The following PIWIL4 variants were observed in gnomAD, a reference collection of about 807,000 sequenced individuals.
The protein encoded by PIWIL4 is piwi like RNA-mediated gene silencing 4.
A neutral mutation model predicts 100.9 loss-of-function variants in PIWIL4; 50 were observed. That is an observed-to-expected ratio of 0.50 (90% confidence interval 0.39 to 0.63). The LOEUF is 0.63. Ranked by LOEUF, PIWIL4 falls within the 20% of genes least tolerant of loss-of-function variation. The pLI is 0.00. For synonymous variants in PIWIL4, 342 were observed against 367.5 expected, an observed-to-expected ratio of 0.93 and a Z score of 0.79; for missense variants, 887 against 1,043.3, an observed-to-expected ratio of 0.85 and a Z score of 2.06.
At chr11:94,602,039 A>G in intron 12 of PIWIL4, 60 bp downstream of exon 12, 2 of 1,467,006 alleles carry the variant, frequency 1.4e-6, no homozygotes. Flanking sequence ...GGTAGGGAAT[A>G]ATGGCAGATG....
chr11:94,620,252 T>G, intron 19 of PIWIL4, 108 bp downstream of exon 19: 1 of 1,208,612 alleles, frequency 8.3e-7, no homozygotes, highest in Non-Finnish European at 1.1e-6. Flanking sequence ...ATACCTGATA[T>G]TTCCTAAAGA....
intron 11 of PIWIL4, among the ~76,000 whole-genome samples, chr11:94,599,336 G>A (rs1160809650): frequency 2.6e-5 from 4 of 152,142 alleles, no homozygotes; most frequent in Admixed American, 6.5e-5. Flanking sequence ...TAAAACAGGA[G>A]AACTCATGCA....
chr11:94,589,377 C>T lies in PIWIL4; in HGVS notation c.1026+145C>T, dbSNP rs575397495. The T allele has an allele frequency of 7.7e-6, 5 of 646,356 alleles. No homozygotes were observed. In the South Asian group the frequency reaches 9.7e-5, roughly 13 times the overall value. The allele number at this position is 646,356 out of a possible 1,614,324, so 40.0% of individuals were successfully genotyped here. ...GACTTGTCTCTCTCCTTCATCCCCA[C>T]CCTCCCAGTCTCCTGTTGACCCTCA... On this transcript the variant is annotated intron_variant, in intron 8 of 19. Coordinates refer to ENST00000299001, the MANE Select transcript of PIWIL4 (RefSeq NM_152431.3).
intron 8 of PIWIL4, among the ~76,000 whole-genome samples, chr11:94,590,440 C>G (rs1362585952): frequency 6.6e-6 from 1 of 152,180 alleles, no homozygotes; most frequent in Non-Finnish European, 1.5e-5. Context: ...CACAAAGGAA[C>G]CATTATTCAC....
At chr11:94,592,832 T>G (rs115225187) in intron 8 of PIWIL4, among the ~76,000 whole-genome samples, 1,752 of 152,238 alleles carry the variant, frequency 0.012, 28 homozygotes, top group African/African-American at 0.04. Flanking sequence ...GAATATGAAC[T>G]AACAGTTGCC....
At chr11:94,577,900 T>C (rs1948260217) in intron 4 of PIWIL4, among the ~76,000 whole-genome samples, 1 of 152,240 alleles carries the variant, frequency 6.6e-6, no homozygotes, top group African/African-American at 2.4e-5. Context: ...TTTTGCAAAC[T>C]TACCCTTGTT....
intron 17 of PIWIL4, 39 bp from the exon 18 acceptor site, chr11:94,619,721 G>T: frequency 6.3e-7 from 1 of 1,587,718 alleles, no homozygotes; most frequent in Non-Finnish European, 8.6e-7. Flanking sequence ...ATATAGATTG[G>T]ATTGAGTTCT....
intron 4 of PIWIL4, among the ~76,000 whole-genome samples, chr11:94,582,484 A>G (rs1028254239): frequency 2.0e-5 from 3 of 152,240 alleles, no homozygotes; most frequent in African/African-American, 7.2e-5. Context: ...AAGTGGTTAC[A>G]ACCATACTGT....
intron 17 of PIWIL4, among the ~76,000 whole-genome samples, chr11:94,618,373 C>T (rs1053506083): frequency 6.6e-6 from 1 of 152,148 alleles, no homozygotes; most frequent in Non-Finnish European, 1.5e-5. Flanking sequence ...GAGCAGCTGA[C>T]ACAGATTCAG....
chr11:94,586,956 G>A (rs1459604906), intron 6 of PIWIL4, 94 bp from the exon 7 acceptor site: 28 of 1,203,124 alleles, frequency 2.3e-5, no homozygotes, highest in South Asian at 7.4e-5. Context: ...TTAAGATCTC[G>A]AGAATTAGAA....
intron 15 of PIWIL4, 91 bp downstream of exon 15, chr11:94,608,777 T>C: frequency 9.1e-7 from 1 of 1,099,562 alleles, no homozygotes; most frequent in Non-Finnish European, 1.4e-6. Context: ...GAATATTTTG[T>C]ATTATTCACT....
intron 13 of PIWIL4, among the ~76,000 whole-genome samples, 154 bp downstream of exon 13, chr11:94,604,210 A>G (rs1452787195): frequency 6.6e-6 from 1 of 152,224 alleles, no homozygotes; most frequent in Non-Finnish European, 1.5e-5. Flanking sequence ...ATTTTAATCA[A>G]TATTTTATTT....
At chr11:94,589,303 C>A in intron 8 of PIWIL4, 71 bp downstream of exon 8, 1 of 1,320,054 alleles carries the variant, frequency 7.6e-7, no homozygotes, top group East Asian at 2.4e-5. Flanking sequence ...TTCCAAGTCT[C>A]AGAGGTCCCC....
intron 8 of PIWIL4, among the ~76,000 whole-genome samples, chr11:94,592,644 A>G (rs569529741): frequency 6.6e-6 from 1 of 152,308 alleles, no homozygotes; most frequent in East Asian, 1.9e-4. Context: ...GTGATTATTG[A>G]TCTCAGTGTC....
chr11:94,587,381 T>C, intron 7 of PIWIL4, 134 bp downstream of exon 7: 1 of 985,762 alleles, frequency 1.0e-6, no homozygotes, highest in Admixed American at 2.8e-5. Context: ...GAAGACCTGG[T>C]TGTTTTGCTG....
At chr11:94,594,662 A>C (rs1217003941) in intron 9 of PIWIL4, among the ~76,000 whole-genome samples, 2 of 151,856 alleles carry the variant, frequency 1.3e-5, no homozygotes, top group East Asian at 3.9e-4. Context: ...CCTCCCGAGT[A>C]GCTGGGATTA....
Position 94,576,424 on chromosome 11 carries a change from G to A in PIWIL4, c.299-854G>A, listed in dbSNP as rs71479610. On this transcript the variant is annotated intron_variant, in intron 3 of 19. Transcript: ENST00000299001. ...GCTGAGATTACAGGTGTGAGCCACC[G>A]TGCCCAGCCTCTATATCATTCTTTT... 6.1e-3 allele frequency among the ~76,000 whole-genome samples: 925 copies of A among 152,214 alleles called. 8 individuals carry two copies. Among genetic ancestry groups the A allele is most frequent in the African/African-American group, 0.014 (572 of 41,524 alleles).
chr11:94,584,863 G>A lies in PIWIL4; in HGVS notation c.636-582G>A, dbSNP rs138464407. Among the ~76,000 whole-genome samples the A allele has an allele frequency of 9.8e-3, 1,493 of 152,226 alleles. 26 individuals carry two copies. Among genetic ancestry groups the A allele is most frequent in the African/African-American group, 0.034 (1,407 of 41,550 alleles). On this transcript the variant is annotated intron_variant, in intron 5 of 19. Transcript: ENST00000299001. ...GCAGATCACCTGAGGTCAGGAGTTC[G>A]AGACCAGCCTGACCAACATGGAGAA...
At chr11:94,608,776 G>T in intron 15 of PIWIL4, 90 bp downstream of exon 15, 1 of 1,120,746 alleles carries the variant, frequency 8.9e-7, no homozygotes, top group South Asian at 1.4e-5. Flanking sequence ...GGAATATTTT[G>T]TATTATTCAC....
Sources: allele counts gnomAD v4.1 joint callset (sites outside exome capture counted in the v4.1 genomes callset), GRCh38; gene constraint gnomAD v4.1.1; transcripts MANE v1.5; gene names NCBI Gene and HGNC (gene_info 2026-07-23, HGNC 2026-07-21).